The following NPHP4 variants were observed in gnomAD, a reference collection of about 807,000 sequenced individuals.
NPHP4 encodes the protein nephrocystin-4.
A neutral mutation model predicts 155.8 loss-of-function variants in NPHP4; 151 were observed. The ratio of observed to expected loss-of-function variants is 0.97; its 90% CI spans 0.85 to 1.11. NPHP4 has a LOEUF of 1.11. Among genes scored for constraint, NPHP4 ranks in the 50% least tolerant of loss-of-function variants. The pLI, the probability that NPHP4 is intolerant of heterozygous loss-of-function variation, is 0.00. For synonymous variants in NPHP4, 845 were observed against 816.8 expected (o/e 1.03, Z -0.59); for missense variants, 1,956 against 1,925.7 (o/e 1.02, Z -0.29).
chr1:5,930,663 A>C (rs994350569), intron 10 of NPHP4, among the ~76,000 whole-genome samples: 3 of 152,162 alleles, frequency 2.0e-5, no homozygotes, highest in Non-Finnish European at 4.4e-5. Context: ...CTCTCTTAAA[A>C]CTGAAGTTTG....
chr1:5,957,236 C>T (rs1334147078), intron 6 of NPHP4, among the ~76,000 whole-genome samples: 2 of 152,190 alleles, frequency 1.3e-5, no homozygotes, highest in Admixed American at 6.5e-5. Flanking sequence ...CACTCTACAA[C>T]AATCCATTTT....
intron 9 of NPHP4, among the ~76,000 whole-genome samples, chr1:5,945,942 T>A (rs1647070363): frequency 6.6e-6 from 1 of 152,132 alleles, no homozygotes; most frequent in Non-Finnish European, 1.5e-5. Context: ...GTCCCGCATA[T>A]CCACACTGTA....
At chr1:5,942,587 CAAAAAAA>C (rs34438938) in intron 9 of NPHP4, among the ~76,000 whole-genome samples, 1 of 82,784 alleles carries the variant, frequency 1.2e-5, no homozygotes, top group Admixed American at 1.5e-4. Flanking sequence ...TCATAAATGA[CAAAAAAA>C]AAAAAAAAAA....
At chr1:5,866,825 G>C (rs954741370) in intron 25 of NPHP4, among the ~76,000 whole-genome samples, 7 of 152,096 alleles carry the variant, frequency 4.6e-5, no homozygotes, top group Non-Finnish European at 8.8e-5. Flanking sequence ...GATGATCAAG[G>C]AGCTGATCTG....
chr1:5,968,327 C>A (rs760500426), intron 4 of NPHP4, among the ~76,000 whole-genome samples: 8 of 152,128 alleles, frequency 5.3e-5, no homozygotes, highest in Non-Finnish European at 4.4e-5. Context: ...CCCAGCCGGA[C>A]ACAGCGGCTC....
intron 9 of NPHP4, among the ~76,000 whole-genome samples, chr1:5,943,889 G>C (rs547246712): frequency 8.5e-5 from 13 of 152,126 alleles, no homozygotes; most frequent in Non-Finnish European, 1.6e-4. Context: ...GCAATGTCTA[G>C]GATGCGGTCT....
rs776423387 is a variant in NPHP4 at position 5,927,723 on chromosome 1, T to C, written c.1367A>G (p.Asp456Gly). The C allele has an allele frequency of 6.2e-6, 10 of 1,613,474 alleles. No homozygotes were observed. Among genetic ancestry groups the C allele is most frequent in the Non-Finnish European group, 7.6e-6 (9 of 1,179,566 alleles). ...QFSLGSEEHL[D>G]APTEPVSGPK... is the part of the protein sequence containing the mutation. ...GCCACTGACAGGCTCCGTGGGTGCA[T>C]CCAGGTGTTCTTCTGAGCCCAGCGA... Residue 456 changes from aspartate (D) to glycine (G), a missense_variant, in exon 11 of 30, where the codon GAT becomes GGT. Asp to Gly is a moderately conservative substitution (Grantham distance 94). Transcript: ENST00000378156.
chr1:5,967,448 C>T (rs1014205886), intron 4 of NPHP4, 85 bp from the exon 5 acceptor site: 14 of 1,023,810 alleles, frequency 1.4e-5, no homozygotes, highest in African/African-American at 3.2e-5. Flanking sequence ...GCCACCACCA[C>T]GCCCACTAGA....
chr1:5,988,071 ATATTT>A (rs1342886433), intron 1 of NPHP4, among the ~76,000 whole-genome samples: 6 of 152,354 alleles, frequency 3.9e-5, no homozygotes, highest in Admixed American at 2.6e-4. Flanking sequence ...CCGTGAACCA[ATATTT>A]TCTGAACAAT....
chr1:5,909,293 G>C, intron 11 of NPHP4, 80 bp from the exon 12 acceptor site: 1 of 1,144,104 alleles, frequency 8.7e-7, no homozygotes, highest in East Asian at 2.5e-5. Context: ...CCCCCACGCA[G>C]TCAGGTCTCC....
chr1:5,948,709 G>A (rs1365422405), intron 7 of NPHP4, among the ~76,000 whole-genome samples: 5 of 152,112 alleles, frequency 3.3e-5, no homozygotes, highest in Non-Finnish European at 7.4e-5. Context: ...CGATGGAGAG[G>A]TGCTCAGAGG....
chr1:5,877,392 G>A (rs1642729764), intron 19 of NPHP4, 94 bp from the exon 20 acceptor site: 2 of 996,230 alleles, frequency 2.0e-6, no homozygotes, highest in Non-Finnish European at 2.9e-6. Flanking sequence ...CACCTATATA[G>A]GGAGGGAGCT....
intron 2 of NPHP4, among the ~76,000 whole-genome samples, chr1:5,979,305 T>C (rs1189365145): frequency 1.4e-5 from 2 of 141,218 alleles, no homozygotes; most frequent in African/African-American, 5.2e-5. Context: ...AGGGCTTACA[T>C]GGTGAAGAAC....
In NPHP4 at chr1:5,966,548, G is replaced by A. The variant is rs1283164178; in HGVS notation, c.517+751C>T. The stretch of plus-strand genomic sequence containing the variant: ...AAGCCTGAGCCACCGTGTCTGGCCA[G>A]GTTTGACTTTTAACACAAGCCACGA... On this transcript the variant is annotated intron_variant, in intron 5 of 29. Transcript: ENST00000378156. Among the ~76,000 whole-genome samples, 4 of 152,134 alleles carry A rather than the reference G, an allele frequency of 2.6e-5. No individual in the cohort carries two copies. The East Asian group carries it at 7.7e-4, about 29-fold the overall frequency.
intron 2 of NPHP4, among the ~76,000 whole-genome samples, chr1:5,983,112 C>G (rs1654972393): frequency 6.6e-6 from 1 of 152,166 alleles, no homozygotes; most frequent in African/African-American, 2.4e-5. Context: ...CGGTATTCTT[C>G]AGAGCTTCCA....
intron 10 of NPHP4, among the ~76,000 whole-genome samples, chr1:5,928,233 A>T (rs1646110953): frequency 6.6e-6 from 1 of 152,184 alleles, no homozygotes; most frequent in Non-Finnish European, 1.5e-5. Context: ...TAACCCGGGC[A>T]ATCTATGACT....
In NPHP4 at chr1:5,967,261, G is replaced by A. The variant is rs535848836; in HGVS notation, c.517+38C>T. The A allele has an allele frequency of 9.1e-6, 14 of 1,530,754 alleles. No individual in the cohort carries two copies. In the East Asian group the frequency reaches 3.3e-4, roughly 36 times the overall value. The allele number at this position is 1,530,754 out of a possible 1,614,324, so 94.8% of individuals were successfully genotyped here. A position where few individuals can be genotyped will look rare whatever the true frequency, so the allele number is the denominator to read the frequency against. ...TGGGGAACACTCAGGGAAGGCACGA[G>A]AGCAGTGAGTGCTGCCAAGGCCAGG... On this transcript the variant is annotated intron_variant, in intron 5 of 29. Transcript: ENST00000378156.
intron 12 of NPHP4, among the ~76,000 whole-genome samples, chr1:5,908,236 G>A (rs966244102): frequency 9.2e-5 from 14 of 152,352 alleles, no homozygotes; most frequent in South Asian, 4.1e-4. Flanking sequence ...TCGGGGTCAC[G>A]TGGAAACTGC....
chr1:5,952,624 A>T (rs1462962571), intron 7 of NPHP4, 76 bp downstream of exon 7: 2 of 217,758 alleles, frequency 9.2e-6, no homozygotes, highest in Non-Finnish European at 1.5e-5. Context: ...ACCCTGCCCC[A>T]CCTCCTCCCT....
Sources: allele counts gnomAD v4.1 joint callset (sites outside exome capture counted in the v4.1 genomes callset), GRCh38; gene constraint gnomAD v4.1.1; transcripts MANE v1.5; gene names NCBI Gene and HGNC (gene_info 2026-07-23, HGNC 2026-07-21).